Variants in PAFAH1B1 observed in about 807,000 individuals in gnomAD.
PAFAH1B1 encodes platelet activating factor acetylhydrolase 1b regulatory subunit 1.
PAFAH1B1 carries 2 observed loss-of-function variants against 57.5 expected under a neutral mutation model. The observed-to-expected ratio is 0.03, with a 90% CI of 0.01 to 0.11. The LOEUF is 0.11. Ranked by LOEUF, PAFAH1B1 falls within the 10% of genes least tolerant of loss-of-function variation. PAFAH1B1 has a pLI of 1.00. For missense variants in PAFAH1B1, 257 were observed against 512.0 expected, an observed-to-expected ratio of 0.50 and a Z score of 4.81; for synonymous variants, 152 against 169.6, an observed-to-expected ratio of 0.90 and a Z score of 0.81.
intron 2 of PAFAH1B1, among the ~76,000 whole-genome samples, chr17:2,651,122 G>A (rs553825780): frequency 1.3e-5 from 2 of 152,230 alleles, no homozygotes; most frequent in African/African-American, 2.4e-5. Context: ...GGATCGAAGT[G>A]CTTTTTCTGA....
At chr17:2,670,724 C>T (rs553002309) in intron 6 of PAFAH1B1, among the ~76,000 whole-genome samples, 61 of 152,276 alleles carry the variant, frequency 4.0e-4, no homozygotes, top group African/African-American at 1.4e-3. Flanking sequence ...ATGAGCTGAG[C>T]GCACAGACCC....
At chr17:2,674,420 T>C in intron 8 of PAFAH1B1, 132 bp downstream of exon 8, 2 of 711,902 alleles carry the variant, frequency 2.8e-6, no homozygotes, top group South Asian at 1.5e-5. Flanking sequence ...AATCTTGAAA[T>C]TCTCTACTCT....
chr17:2,599,103 A>G (rs1276187670), intron 1 of PAFAH1B1, among the ~76,000 whole-genome samples: 3 of 152,158 alleles, frequency 2.0e-5, no homozygotes, highest in Admixed American at 6.6e-5. Context: ...GGTACTCTCT[A>G]TTGTCTTTTA....
rs537888901 is a variant in PAFAH1B1 at position 2,677,930 on chromosome 17, C to T, written c.1002+1324C>T. On this transcript the variant is annotated intron_variant, in intron 9 of 10. Coordinates refer to ENST00000397195, the MANE Select transcript of PAFAH1B1 (RefSeq NM_000430.4). ...GTATTCTGAGCGGAGTTCAGCTATACCATGTTGCTGTTAAGAAAAGATGAT... is the reference window on the plus strand; with the variant it reads ...GTATTCTGAGCGGAGTTCAGCTATATCATGTTGCTGTTAAGAAAAGATGAT... Among the ~76,000 whole-genome samples, 3 of 152,186 alleles carry T rather than the reference C, an allele frequency of 2.0e-5. No individual in the cohort carries two copies. In the South Asian group the frequency reaches 6.2e-4, roughly 32 times the overall value.
chr17:2,614,473 A>AAAACTT (rs1247858836), intron 1 of PAFAH1B1, among the ~76,000 whole-genome samples: 2 of 152,218 alleles, frequency 1.3e-5, no homozygotes, highest in African/African-American at 4.8e-5. Context: ...CATAAGATAG[A>AAAACTT]AAGCAGCAAA....
intron 9 of PAFAH1B1, among the ~76,000 whole-genome samples, chr17:2,678,220 G>A (rs555821517): frequency 2.6e-5 from 4 of 152,022 alleles, no homozygotes; most frequent in East Asian, 1.9e-4. Context: ...TGACCAACAT[G>A]GAGGAACCCC....
At chr17:2,602,733 GTATT>G (rs2068159315) in intron 1 of PAFAH1B1, among the ~76,000 whole-genome samples, 1 of 152,188 alleles carries the variant, frequency 6.6e-6, no homozygotes, top group Admixed American at 6.5e-5. Context: ...GGCTCCCTTT[GTATT>G]TATTTAACAA....
At chr17:2,610,959 A>G (rs1335304775) in intron 1 of PAFAH1B1, among the ~76,000 whole-genome samples, 3 of 152,200 alleles carry the variant, frequency 2.0e-5, no homozygotes, top group South Asian at 2.1e-4. Context: ...AGGTACCTCC[A>G]TACATCAAGT....
At chr17:2,606,899 A>G (rs1444747774) in intron 1 of PAFAH1B1, among the ~76,000 whole-genome samples, 1 of 136,040 alleles carries the variant, frequency 7.4e-6, no homozygotes, top group Non-Finnish European at 1.5e-5. Context: ...ATCTCAGCTC[A>G]CTGCAACCTC....
At chr17:2,652,268 G>T (rs558733402) in intron 2 of PAFAH1B1, among the ~76,000 whole-genome samples, 5 of 151,738 alleles carry the variant, frequency 3.3e-5, no homozygotes, top group Non-Finnish European at 5.9e-5. Flanking sequence ...AAAAAAAATT[G>T]GCCGGGCGTG....
intron 1 of PAFAH1B1, among the ~76,000 whole-genome samples, chr17:2,631,986 G>C (rs2151630027): frequency 6.6e-6 from 1 of 152,328 alleles, no homozygotes; most frequent in East Asian, 1.9e-4. Flanking sequence ...AGCCTCAACA[G>C]TTAGCAATTC....
chr17:2,607,692 G>A (rs761060414), intron 1 of PAFAH1B1, among the ~76,000 whole-genome samples: 1 of 151,760 alleles, frequency 6.6e-6, no homozygotes, highest in Admixed American at 6.6e-5. Flanking sequence ...CCATGTTGGG[G>A]CCAGGCTGGT....
intron 3 of PAFAH1B1, 110 bp downstream of exon 3, chr17:2,665,566 T>C (rs2069095104): frequency 8.6e-6 from 6 of 695,420 alleles, no homozygotes; most frequent in Non-Finnish European, 1.5e-5. Flanking sequence ...GTGGTCTACT[T>C]GGTACTGAAC....
chr17:2,656,463 A>G (rs2151650044), intron 2 of PAFAH1B1, among the ~76,000 whole-genome samples: 1 of 151,696 alleles, frequency 6.6e-6, no homozygotes, highest in Non-Finnish European at 1.5e-5. Flanking sequence ...TTTTTTTCAA[A>G]GAGTGAGGAA....
intron 1 of PAFAH1B1, chr17:2,614,005 A>G (rs2068303522): frequency 7.6e-6 from 1 of 131,742 alleles, no homozygotes; most frequent in African/African-American, 3.0e-5. Flanking sequence ...TATATTATAT[A>G]TTGTTTATAT....
chr17:2,608,153 C>T (rs917798716), intron 1 of PAFAH1B1, among the ~76,000 whole-genome samples: 14 of 151,816 alleles, frequency 9.2e-5, no homozygotes, highest in African/African-American at 3.4e-4. Context: ...GGCACAATAT[C>T]AGCTCACTGC....
At chr17:2,612,436 G>A (rs1037125841) in intron 1 of PAFAH1B1, among the ~76,000 whole-genome samples, 5 of 151,882 alleles carry the variant, frequency 3.3e-5, no homozygotes, top group African/African-American at 9.7e-5. Context: ...TCAAACTACC[G>A]ACCTCAGGTG....
intron 9 of PAFAH1B1, among the ~76,000 whole-genome samples, chr17:2,679,503 TGG>T (rs1417338270): frequency 8.9e-5 from 10 of 112,838 alleles, no homozygotes; most frequent in Admixed American, 4.4e-4. Context: ...GATGGATGAT[TGG>T]ATGGATGGAT....
At chr17:2,630,405 A>G (rs2068540866) in intron 1 of PAFAH1B1, among the ~76,000 whole-genome samples, 1 of 152,102 alleles carries the variant, frequency 6.6e-6, no homozygotes, top group South Asian at 2.1e-4. Flanking sequence ...TTGGCTGATA[A>G]TTGTTTTGTT....
Sources: allele counts gnomAD v4.1 joint callset (sites outside exome capture counted in the v4.1 genomes callset), GRCh38; gene constraint gnomAD v4.1.1; transcripts MANE v1.5; gene names NCBI Gene and HGNC (gene_info 2026-07-23, HGNC 2026-07-21).